Variants in GRIP1 observed in about 807,000 individuals in gnomAD.
GRIP1 encodes the protein glutamate receptor-interacting protein 1.
In GRIP1, 45 loss-of-function variants were observed where a neutral mutation model predicts 129.9. The ratio of observed to expected loss-of-function variants is 0.35; its 90% CI spans 0.27 to 0.44. The LOEUF (loss-of-function observed/expected upper bound fraction) is 0.44. Among genes scored for constraint, GRIP1 ranks in the 20% least tolerant of loss-of-function variants. The pLI, the probability that GRIP1 is intolerant of heterozygous loss-of-function variation, is 1.00. For synonymous variants in GRIP1, 530 were observed against 520.8 expected, an observed-to-expected ratio of 1.02 and a Z score of -0.24; for missense variants, 1,196 against 1,396.8, an observed-to-expected ratio of 0.86 and a Z score of 2.29.
chr12:66,861,659 C>T (rs1031799281), intron 1 of GRIP1, among the ~76,000 whole-genome samples: 4 of 152,098 alleles, frequency 2.6e-5, no homozygotes, highest in Non-Finnish European at 5.9e-5. Context: ...CTGAAGTTTA[C>T]ATGAGTATTG....
chr12:66,432,417 T>A, intron 14 of GRIP1, 131 bp downstream of exon 14: 2 of 628,568 alleles, frequency 3.2e-6, no homozygotes, highest in South Asian at 3.9e-5. Context: ...TGTGACTGAC[T>A]CCACATTTTT....
chr12:66,729,583 T>C (rs913549842), intron 1 of GRIP1, among the ~76,000 whole-genome samples: 22 of 151,392 alleles, frequency 1.5e-4, no homozygotes, highest in Admixed American at 3.3e-4. Context: ...AGGATACATA[T>C]TTTTTTTTGA....
At chr12:66,571,116 A>G (rs2062944900) in intron 2 of GRIP1, 1 of 152,206 alleles carries the variant, frequency 6.6e-6, no homozygotes, top group South Asian at 2.1e-4. Context: ...ATCATAAAAG[A>G]GTTCTGAATT....
intron 1 of GRIP1, among the ~76,000 whole-genome samples, chr12:66,768,403 CTTG>C (rs1566012418): frequency 1.3e-5 from 2 of 152,188 alleles, no homozygotes; most frequent in East Asian, 1.9e-4. Context: ...TGCTACAGAT[CTTG>C]TTGTCCGGAA....
intron 15 of GRIP1, among the ~76,000 whole-genome samples, chr12:66,415,707 T>TAA (rs1336156962): frequency 6.6e-5 from 10 of 152,014 alleles, no homozygotes; most frequent in African/African-American, 2.4e-4. Flanking sequence ...AAAGAAAATG[T>TAA]GATATATATA....
At chr12:66,499,616 G>A (rs2060332620) in intron 7 of GRIP1, among the ~76,000 whole-genome samples, 1 of 152,080 alleles carries the variant, frequency 6.6e-6, no homozygotes, top group African/African-American at 2.4e-5. Flanking sequence ...ACACTGAATG[G>A]GGCAGAGACT....
At chr12:66,884,648 G>A (rs887933759) in intron 1 of GRIP1, among the ~76,000 whole-genome samples, 5 of 152,120 alleles carry the variant, frequency 3.3e-5, no homozygotes, top group African/African-American at 1.2e-4. Context: ...AAGAGAAGTT[G>A]CAAGTTTCAC....
chr12:66,966,986 GCTT>G (rs1261660864), intron 1 of GRIP1, among the ~76,000 whole-genome samples: 1 of 152,130 alleles, frequency 6.6e-6, no homozygotes, highest in East Asian at 1.9e-4. Flanking sequence ...AGGAGATACT[GCTT>G]CTTCTCCTCC....
At chr12:67,054,122 T>C (rs994704479) in intron 1 of GRIP1, among the ~76,000 whole-genome samples, 2 of 152,228 alleles carry the variant, frequency 1.3e-5, no homozygotes, top group African/African-American at 4.8e-5. Flanking sequence ...ATATAAATTG[T>C]TCCTGATTCT....
At chr12:66,489,493 AC>A (rs1182609009) in intron 7 of GRIP1, among the ~76,000 whole-genome samples, 2 of 152,138 alleles carry the variant, frequency 1.3e-5, no homozygotes, top group Non-Finnish European at 2.9e-5. Context: ...TATATGACAA[AC>A]CCATGGCCAA....
At chr12:66,691,938 G>A (rs1261867857) in intron 1 of GRIP1, among the ~76,000 whole-genome samples, 2 of 152,148 alleles carry the variant, frequency 1.3e-5, no homozygotes, top group Non-Finnish European at 2.9e-5. Context: ...GAAGTGCAAA[G>A]CTGTAAAGTA....
intron 1 of GRIP1, among the ~76,000 whole-genome samples, chr12:66,731,944 A>G (rs1019097555): frequency 6.6e-6 from 1 of 152,216 alleles, no homozygotes; most frequent in East Asian, 1.9e-4. Context: ...TTTTAGATTT[A>G]TAAGAAACTT....
At chr12:66,647,608 G>A (rs920754313) in intron 1 of GRIP1, among the ~76,000 whole-genome samples, 3 of 152,118 alleles carry the variant, frequency 2.0e-5, no homozygotes, top group African/African-American at 7.2e-5. Context: ...GAAGTGAAAA[G>A]AAAGGAAGAG....
intron 1 of GRIP1, among the ~76,000 whole-genome samples, chr12:66,863,317 A>G (rs2040144688): frequency 6.6e-6 from 1 of 152,180 alleles, no homozygotes. Flanking sequence ...TTGAAGATAA[A>G]TAAGTTCCTG....
At chr12:67,007,584 T>C (rs184019968) in intron 1 of GRIP1, among the ~76,000 whole-genome samples, 80 of 152,262 alleles carry the variant, frequency 5.3e-4, no homozygotes, top group African/African-American at 1.9e-3. Context: ...GCAATTGTTG[T>C]TTTAATAAAT....
chr12:66,348,688 T>C lies in GRIP1; in HGVS notation c.*331A>G, dbSNP rs143571377. On this transcript the variant is annotated 3_prime_UTR_variant, in exon 25 of 25. Coordinates refer to ENST00000359742, the MANE Select transcript of GRIP1 (RefSeq NM_001366722.1). The stretch of plus-strand genomic sequence containing the variant: ...ATCACAGAGAATATTTTCAAACAGA[T>C]GTTTCTCTTTTTAAAAAGTGATAGT... The C allele has an allele frequency of 3.4e-6, 1 of 296,188 alleles. No homozygotes were observed. The highest frequency in any genetic ancestry group is 2.1e-5 in the African/African-American group (1 of 46,850). 18.3% of individuals were successfully genotyped at this position (296,188 alleles called of 1,614,324 possible).
chr12:67,066,180 G>A (rs1405732660), intron 1 of GRIP1, among the ~76,000 whole-genome samples: 1 of 152,136 alleles, frequency 6.6e-6, no homozygotes, highest in Non-Finnish European at 1.5e-5. Context: ...AGGCCTTCGA[G>A]ATGAACCCGA....
At chr12:66,844,382 C>T (rs552575861) in intron 1 of GRIP1, among the ~76,000 whole-genome samples, 9 of 152,132 alleles carry the variant, frequency 5.9e-5, no homozygotes, top group Non-Finnish European at 1.0e-4. Flanking sequence ...CAAATCAAAA[C>T]CATGAGATAC....
At chr12:66,674,515 C>T in intron 1 of GRIP1, among the ~76,000 whole-genome samples, 1 of 152,160 alleles carries the variant, frequency 6.6e-6, no homozygotes. Flanking sequence ...CTTTTAAACA[C>T]AGGATGAGTG....
Sources: allele counts gnomAD v4.1 joint callset (sites outside exome capture counted in the v4.1 genomes callset), GRCh38; gene constraint gnomAD v4.1.1; transcripts MANE v1.5; gene names NCBI Gene and HGNC (gene_info 2026-07-23, HGNC 2026-07-21).